The following PRMT8 variants were observed in gnomAD, a reference collection of about 807,000 sequenced individuals.
The protein encoded by PRMT8 is protein arginine N-methyltransferase 8.
In PRMT8, 7 loss-of-function variants were observed where a neutral mutation model predicts 47.1. The ratio of observed to expected loss-of-function variants is 0.15; its 90% confidence interval spans 0.08 to 0.28. PRMT8 has a LOEUF of 0.28. PRMT8 is among the 10% of genes least tolerant of loss of function. The pLI is 1.00. For synonymous variants in PRMT8, 188 were observed against 186.5 expected, an observed-to-expected ratio of 1.01 and a Z score of -0.07; for missense variants, 237 against 505.4, an observed-to-expected ratio of 0.47 and a Z score of 5.09.
intron 2 of PRMT8, among the ~76,000 whole-genome samples, chr12:3,545,673 G>A (rs1296907152): frequency 1.3e-5 from 2 of 152,102 alleles, no homozygotes; most frequent in Non-Finnish European, 2.9e-5. Context: ...ACGTTACAAA[G>A]CCTCCCAACG....
intron 1 of PRMT8, among the ~76,000 whole-genome samples, chr12:3,457,567 G>A (rs1000926455): frequency 6.6e-6 from 1 of 152,046 alleles, no homozygotes; most frequent in Non-Finnish European, 1.5e-5. Flanking sequence ...CCTCAGCCTC[G>A]CAAAGAGCTG....
intron 1 of PRMT8, among the ~76,000 whole-genome samples, chr12:3,473,337 G>A (rs1031240873): frequency 1.3e-5 from 2 of 152,070 alleles, no homozygotes; most frequent in African/African-American, 4.8e-5. Context: ...CTTCTCCATG[G>A]GATGCAGCTG....
intron 4 of PRMT8, among the ~76,000 whole-genome samples, 159 bp downstream of exon 4, chr12:3,553,873 C>T (rs889436877): frequency 6.6e-6 from 1 of 152,194 alleles, no homozygotes; most frequent in African/African-American, 2.4e-5. Flanking sequence ...GCCATGGGTA[C>T]TGATGTTCCC....
At chr12:3,431,081 CAGGGCCTTGTGTGTCATGCTA>C (rs142312923) in intron 1 of PRMT8, among the ~76,000 whole-genome samples, 4,412 of 152,278 alleles carry the variant, frequency 0.029, 219 homozygotes, top group African/African-American at 0.1. Context: ...CCATATCCTG[CAGGGCCTTGTGTGTCATGCTA>C]AGGAATTTAG....
At chr12:3,471,613 G>A (rs1425713173) in intron 1 of PRMT8, among the ~76,000 whole-genome samples, 1 of 151,538 alleles carries the variant, frequency 6.6e-6, no homozygotes, top group Non-Finnish European at 1.5e-5. Context: ...CCAGCATGGG[G>A]CATCTGCTCA....
rs141279430 is a variant in PRMT8, at chr12:3,467,019, C to T, written c.49-73587C>T. On this transcript the variant is annotated intron_variant, in intron 1 of 9. Coordinates refer to the PRMT8 transcript ENST00000452611. ...TTGGGAGGCGGAGGCGGGTGGATCA[C>T]GAGGTCAGGAGATCGAGACCATCTT... 4.5e-3 allele frequency among the ~76,000 whole-genome samples: 681 copies of T among 152,118 alleles called. 5 individuals carry two copies. The highest frequency in any genetic ancestry group is 0.015 in the African/African-American group (631 of 41,496).
At chr12:3,556,296 A>G (rs545539738) in intron 4 of PRMT8, among the ~76,000 whole-genome samples, 1 of 152,132 alleles carries the variant, frequency 6.6e-6, no homozygotes, top group African/African-American at 2.4e-5. Context: ...TGGGCCAAAG[A>G]TGGGGCTCTA....
chr12:3,402,484 A>G (rs1415564608), intron 1 of PRMT8, among the ~76,000 whole-genome samples: 1 of 152,226 alleles, frequency 6.6e-6, no homozygotes, highest in African/African-American at 2.4e-5. Context: ...GTGGGATCTA[A>G]TTAAAGAGCT....
intron 1 of PRMT8, among the ~76,000 whole-genome samples, chr12:3,496,914 ATTTTTTTT>A (rs34785835): frequency 7.7e-5 from 10 of 129,466 alleles, no homozygotes; most frequent in Non-Finnish European, 1.3e-4. Context: ...AAGATACCCA[ATTTTTTTT>A]TTTTTTTTTT....
chr12:3,527,675 AT>A (rs1865968077), intron 1 of PRMT8, among the ~76,000 whole-genome samples: 1 of 152,150 alleles, frequency 6.6e-6, no homozygotes, highest in Non-Finnish European at 1.5e-5. Flanking sequence ...TTTTTAAAAA[AT>A]TTAAATAGTT....
At chr12:3,531,909 G>C (rs1440586417) in intron 1 of PRMT8, among the ~76,000 whole-genome samples, 2 of 152,210 alleles carry the variant, frequency 1.3e-5, no homozygotes, top group African/African-American at 4.8e-5. Context: ...CCATCTGAGA[G>C]CTATGGCAGA....
intron 1 of PRMT8, among the ~76,000 whole-genome samples, chr12:3,533,509 C>G (rs934740041): frequency 1.3e-5 from 2 of 152,256 alleles, no homozygotes; most frequent in Non-Finnish European, 2.9e-5. Flanking sequence ...GGCCCAAGAC[C>G]ATTCTTCTTC....
At chr12:3,582,808 C>T (rs1867093376) in intron 7 of PRMT8, among the ~76,000 whole-genome samples, 17 of 152,180 alleles carry the variant, frequency 1.1e-4, no homozygotes, top group Admixed American at 1.1e-3. Context: ...GAAGATTTAT[C>T]TTCCGAATTC....
intron 1 of PRMT8, among the ~76,000 whole-genome samples, chr12:3,389,384 C>T (rs934315450): frequency 6.6e-6 from 1 of 152,174 alleles, no homozygotes; most frequent in South Asian, 2.1e-4. Context: ...CAGCCCTGCT[C>T]GCCCAGCCCT....
chr12:3,566,804 T>C lies in PRMT8; in HGVS notation c.482-1902T>C, dbSNP rs915892624. On this transcript the variant is annotated intron_variant, in intron 4 of 9. Transcript: ENST00000382622. This position sits in a 1 kb window ranked among gnomAD's most constrained non-coding sequence, Gnocchi z 4.7. ...CAAAGCTCAGGCATTGTGTGAGTTTTTTTCAGAGGATATTGCAGAATGAGA... is the reference window on the plus strand; with the variant it reads ...CAAAGCTCAGGCATTGTGTGAGTTTCTTTCAGAGGATATTGCAGAATGAGA... 6.6e-6 allele frequency among the ~76,000 whole-genome samples: 1 copy of C among 152,260 alleles called. No individual in the cohort carries two copies. Among genetic ancestry groups the C allele is most frequent in the African/African-American group, 2.4e-5 (1 of 41,478 alleles).
intron 5 of PRMT8, 132 bp downstream of exon 5, chr12:3,568,980 T>C (rs1555095989): frequency 8.0e-7 from 1 of 1,243,738 alleles, no homozygotes; most frequent in Non-Finnish European, 1.1e-6. Context: ...CCCAAGCCCC[T>C]CTCTCTAGAG....
intron 1 of PRMT8, among the ~76,000 whole-genome samples, chr12:3,435,669 C>T (rs1303844510): frequency 6.6e-6 from 1 of 151,914 alleles, no homozygotes; most frequent in Non-Finnish European, 1.5e-5. Context: ...CTACAGGCAC[C>T]TGCCACCACA....
intron 1 of PRMT8, among the ~76,000 whole-genome samples, chr12:3,528,134 T>C (rs57693605): frequency 1.6e-4 from 25 of 152,306 alleles, no homozygotes; most frequent in African/African-American, 6.0e-4. Context: ...GGTATAGTTT[T>C]TTTACTCCCT....
At chr12:3,520,757 G>C (rs140265127) in intron 1 of PRMT8, among the ~76,000 whole-genome samples, 47 of 152,148 alleles carry the variant, frequency 3.1e-4, no homozygotes, top group African/African-American at 1.1e-3. Flanking sequence ...TCTTAGCCAG[G>C]CCCTGAAGCT....
Sources: gnomAD v4.1 joint callset for allele counts (sites outside exome capture counted in the v4.1 genomes callset) on GRCh38, gnomAD v4.1.1 for gene constraint, Gnocchi (gnomAD v3.1) non-coding constraint, MANE v1.5 for transcripts, NCBI Gene and HGNC (gene_info 2026-07-23, HGNC 2026-07-21) for gene names.